The following KIRREL3 variants were observed in gnomAD, a reference collection of about 807,000 sequenced individuals.
KIRREL3 encodes the protein kin of IRRE-like protein 3.
KIRREL3 carries 36 observed loss-of-function variants against 89.7 expected under a neutral mutation model. That is an observed-to-expected ratio of 0.40 (90% CI 0.31 to 0.53). KIRREL3 has a LOEUF of 0.53. Among genes scored for constraint, KIRREL3 ranks in the 20% least tolerant of loss-of-function variants. The pLI, the probability that KIRREL3 is intolerant of heterozygous loss-of-function variation, is 0.49. For missense variants in KIRREL3, 864 were observed against 1,056.6 expected (o/e 0.82, Z 2.53); for synonymous variants, 445 against 441.4 (o/e 1.01, Z -0.10).
In KIRREL3 at chr11:126,544,753, C is replaced by G. The variant is rs1477172787; in HGVS notation, c.134-18066G>C. On this transcript the variant is annotated intron_variant, in intron 2 of 16. Coordinates refer to ENST00000525144, the MANE Select transcript of KIRREL3 (RefSeq NM_032531.4). This position sits in a 1 kb window ranked among gnomAD's most constrained non-coding sequence, Gnocchi z 5.6. Reference sequence around the variant, plus strand: ...TGGTTGGCAGCATCAAGATAATCGCCTAAGCCCTTTCTTCTCTTGCAAGTC... The same window carrying G: ...TGGTTGGCAGCATCAAGATAATCGCGTAAGCCCTTTCTTCTCTTGCAAGTC... Among the ~76,000 whole-genome samples the G allele has an allele frequency of 6.6e-6, 1 of 152,180 alleles. No homozygotes were observed. Among genetic ancestry groups the G allele is most frequent in the East Asian group, 1.9e-4 (1 of 5,194 alleles).
rs1949902850 is a variant in KIRREL3, at chr11:126,768,183, ATCC to A, written c.56-205274_56-205272del. 1.6e-5 allele frequency among the ~76,000 whole-genome samples: 2 copies of A among 122,802 alleles called. No individual in the cohort carries two copies. The highest frequency in any genetic ancestry group is 3.0e-5 in the African/African-American group (1 of 33,896). 80.6% of individuals were successfully genotyped at this position (122,802 alleles called of 152,430 possible). A position where few individuals can be genotyped will look rare whatever the true frequency, so the allele number is the denominator to read the frequency against. On this transcript the variant is annotated intron_variant, in intron 1 of 16. Transcript: ENST00000525144. The surrounding 1 kb of genome is among the most constrained non-coding windows in gnomAD (Gnocchi z 4.5). ...ATCCATCCATCCAATCCATCCATCC[ATCC>A]ATCCATCCATCCATCCATCCATCCA...
At position 126,985,526 on chromosome 11, in the gene KIRREL3, G is replaced by T. The variant is rs1342847065; in HGVS notation, c.55+14929C>A. On this transcript the variant is annotated intron_variant, in intron 1 of 16. Coordinates refer to ENST00000525144, the MANE Select transcript of KIRREL3 (RefSeq NM_032531.4). This position sits in a 1 kb window ranked among gnomAD's most constrained non-coding sequence, Gnocchi z 5.3. Reference sequence around the variant, plus strand: ...AGAGAGGTCAAGGAAACTTCCACCAGGAGGCAAAAGGAGCTGAGTCTTTAG... The same window carrying T: ...AGAGAGGTCAAGGAAACTTCCACCATGAGGCAAAAGGAGCTGAGTCTTTAG... Among the ~76,000 whole-genome samples, 2 of 152,140 alleles carry T rather than the reference G, an allele frequency of 1.3e-5. No individual in the cohort carries two copies. The highest frequency in any genetic ancestry group is 4.8e-5 in the African/African-American group (2 of 41,418).
rs2134588639 is a variant in KIRREL3 at position 126,563,058 on chromosome 11, T to A, written c.56-146A>T. On this transcript the variant is annotated intron_variant, in intron 1 of 16. Transcript: ENST00000525144. This position sits in a 1 kb window ranked among gnomAD's most constrained non-coding sequence, Gnocchi z 6.8. ...CAACATTTATATGGAAATTGTTATG[T>A]TCCAGGCATAAGTTTAAGCCAGCAA... 1.8e-6 allele frequency: 1 copy of A among 549,130 alleles called. No homozygotes were observed. Among genetic ancestry groups the A allele is most frequent in the Admixed American group, 3.3e-5 (1 of 30,340 alleles). 34.0% of individuals were successfully genotyped at this position (549,130 alleles called of 1,614,324 possible). A position where few individuals can be genotyped will look rare whatever the true frequency, so the allele number is the denominator to read the frequency against.
rs1947496917 is a variant in KIRREL3 at position 126,705,556 on chromosome 11, T to C, written c.56-142644A>G. ...GAAGATACTGGAACCGTGCTTCCTG[T>C]ACAGCCTGCAGAACTGTGAGCCAAT... On this transcript the variant is annotated intron_variant, in intron 1 of 16. Transcript: ENST00000525144. The surrounding 1 kb of genome is among the most constrained non-coding windows in gnomAD (Gnocchi z 4.3). Among the ~76,000 whole-genome samples, 1 of 152,234 alleles carries C rather than the reference T, an allele frequency of 6.6e-6. No individual in the cohort carries two copies. Among genetic ancestry groups the C allele is most frequent in the Non-Finnish European group, 1.5e-5 (1 of 68,044 alleles).
rs950482791 is a variant in KIRREL3, at chr11:126,763,314, C to T, written c.56-200402G>A. ...AGCCTCATGGCTGAGGTGCCACTTT[C>T]GATACATAAAACAAGAGTCCACATC... On this transcript the variant is annotated intron_variant, in intron 1 of 16. Coordinates refer to ENST00000525144, the MANE Select transcript of KIRREL3 (RefSeq NM_032531.4). The surrounding 1 kb of genome is among the most constrained non-coding windows in gnomAD (Gnocchi z 4.7). Among the ~76,000 whole-genome samples the T allele has an allele frequency of 2.0e-5, 3 of 152,178 alleles. No individual in the cohort carries two copies. Among genetic ancestry groups the T allele is most frequent in the South Asian group, 2.1e-4 (1 of 4,806 alleles).
intron 1 of KIRREL3, among the ~76,000 whole-genome samples, chr11:126,827,061 C>T (rs1003980086): frequency 2.0e-5 from 3 of 152,100 alleles, no homozygotes; most frequent in Admixed American, 1.3e-4. Context: ...TTAATTTTGT[C>T]TGTATTTTCC....
In KIRREL3 at chr11:126,771,071, G is replaced by A. The variant is rs1192584183; in HGVS notation, c.56-208159C>T. On this transcript the variant is annotated intron_variant, in intron 1 of 16. Coordinates refer to ENST00000525144, the MANE Select transcript of KIRREL3 (RefSeq NM_032531.4). This position sits in a 1 kb window ranked among gnomAD's most constrained non-coding sequence, Gnocchi z 4.4. ...GGCTGGGATTGAACTCCTGACCTCA[G>A]GGTGATCCGCTTGCCTTGGCATCCC... Among the ~76,000 whole-genome samples, 1 of 152,156 alleles carries A rather than the reference G, an allele frequency of 6.6e-6. No individual in the cohort carries two copies. The highest frequency in any genetic ancestry group is 2.4e-5 in the African/African-American group (1 of 41,430).
intron 1 of KIRREL3, among the ~76,000 whole-genome samples, chr11:126,693,818 C>G (rs1206565950): frequency 6.6e-6 from 1 of 152,252 alleles, no homozygotes; most frequent in East Asian, 1.9e-4. Flanking sequence ...CAATCAGGCT[C>G]TGGCCTGGGC....
intron 1 of KIRREL3, among the ~76,000 whole-genome samples, chr11:126,691,162 G>A (rs1022410175): frequency 6.6e-6 from 1 of 152,172 alleles, no homozygotes; most frequent in Non-Finnish European, 1.5e-5. Context: ...TGGAGGGAGT[G>A]TGGATCTGCA....
intron 1 of KIRREL3, among the ~76,000 whole-genome samples, chr11:126,626,366 C>CA (rs1943783748): frequency 1.3e-5 from 2 of 152,246 alleles, no homozygotes; most frequent in South Asian, 4.1e-4. Flanking sequence ...GCACACTTGA[C>CA]TTTGATCAAC....
chr11:126,781,698 C>G (rs1950331031), intron 1 of KIRREL3, among the ~76,000 whole-genome samples: 1 of 152,176 alleles, frequency 6.6e-6, no homozygotes, highest in South Asian at 2.1e-4. Flanking sequence ...CTTCTAAACT[C>G]CCTTCGGCCC....
chr11:126,424,552 G>C lies in KIRREL3; in HGVS notation c.*28C>G, dbSNP rs1282292206. On this transcript the variant is annotated 3_prime_UTR_variant, in exon 17 of 17. Transcript: ENST00000525144. ...AGAACGTGCCCTGACCTCTTCCCTG[G>C]CCCGTCCCCACCCGCGGTGTGTGAT... 2.5e-6 allele frequency: 4 copies of C among 1,607,960 alleles called. No individual in the cohort carries two copies. The highest frequency in any genetic ancestry group is 1.3e-5 in the African/African-American group (1 of 74,768).
chr11:126,850,996 G>C (rs1944321166), intron 1 of KIRREL3, among the ~76,000 whole-genome samples: 1 of 152,232 alleles, frequency 6.6e-6, no homozygotes, highest in Non-Finnish European at 1.5e-5. Flanking sequence ...AGCACTAGCT[G>C]TTGAAAGTTC....
intron 1 of KIRREL3, among the ~76,000 whole-genome samples, chr11:126,731,878 A>C (rs1200200283): frequency 7.2e-5 from 11 of 152,276 alleles, no homozygotes; most frequent in Non-Finnish European, 1.3e-4. Context: ...AGGAACAAAA[A>C]GGATTGTAAA....
rs112095997 is a variant in KIRREL3 at position 126,661,850 on chromosome 11, G to A, written c.56-98938C>T. 3.7e-3 allele frequency among the ~76,000 whole-genome samples: 556 copies of A among 152,248 alleles called. 10 individuals carry two copies. The highest frequency in any genetic ancestry group is 0.013 in the African/African-American group (533 of 41,526). ...CTTGCAAGCAGGGTTGAGACAGCCC[G>A]AGCTAAAGCCTCTTTAGTGGTATGA... is the stretch of plus-strand genomic sequence containing the variant. On this transcript the variant is annotated intron_variant, in intron 1 of 16. Coordinates refer to ENST00000525144, the MANE Select transcript of KIRREL3 (RefSeq NM_032531.4).
chr11:126,541,977 G>A lies in KIRREL3; in HGVS notation c.134-15290C>T, dbSNP rs150324321. 5.3e-5 allele frequency among the ~76,000 whole-genome samples: 8 copies of A among 152,304 alleles called. No homozygotes were observed. Among genetic ancestry groups the A allele is most frequent in the Non-Finnish European group, 7.3e-5 (5 of 68,038 alleles). On this transcript the variant is annotated intron_variant, in intron 2 of 16. Coordinates refer to ENST00000525144, the MANE Select transcript of KIRREL3 (RefSeq NM_032531.4). This position sits in a 1 kb window ranked among gnomAD's most constrained non-coding sequence, Gnocchi z 4.8. ...ACGGTGGAGGCAGAGCTGAGGCAGC[G>A]CGGGAAGGACCGAGTCCTGCCCTCG...
In KIRREL3 at chr11:126,564,067, G is replaced by C. The variant is rs988610706; in HGVS notation, c.56-1155C>G. On this transcript the variant is annotated intron_variant, in intron 1 of 16. Transcript: ENST00000525144. The surrounding 1 kb of genome is among the most constrained non-coding windows in gnomAD (Gnocchi z 7.4). ...TAAATAGATAAGGAATTTGATTTCT[G>C]GAAGAGGGAATATGACTGCAGCTCT... Among the ~76,000 whole-genome samples the C allele has an allele frequency of 1.3e-5, 2 of 152,244 alleles. No homozygotes were observed. The highest frequency in any genetic ancestry group is 1.3e-4 in the Admixed American group (2 of 15,286).
intron 1 of KIRREL3, among the ~76,000 whole-genome samples, chr11:126,927,381 C>G (rs1018499353): frequency 6.6e-6 from 1 of 152,112 alleles, no homozygotes; most frequent in Non-Finnish European, 1.5e-5. Context: ...TGTGTCTTAC[C>G]CAGTTATATA....
In KIRREL3 at chr11:126,427,982, G is replaced by A. The variant is rs953606371; in HGVS notation, c.1806+1197C>T. 7.2e-5 allele frequency among the ~76,000 whole-genome samples: 11 copies of A among 152,192 alleles called. No homozygotes were observed. The highest frequency in any genetic ancestry group is 1.9e-4 in the African/African-American group (8 of 41,438). On this transcript the variant is annotated intron_variant, in intron 15 of 16. Coordinates refer to ENST00000525144, the MANE Select transcript of KIRREL3 (RefSeq NM_032531.4). This position sits in a 1 kb window ranked among gnomAD's most constrained non-coding sequence, Gnocchi z 5.3. ...TCAATTGGAGAGAGAAAGCGTAGCC[G>A]AGGGAAAAGTCAGTTTGATTCAGTA...
Sources: gnomAD v4.1 joint callset for allele counts (sites outside exome capture counted in the v4.1 genomes callset) on GRCh38, gnomAD v4.1.1 for gene constraint, Gnocchi (gnomAD v3.1) non-coding constraint, MANE v1.5 for transcripts, NCBI Gene and HGNC (gene_info 2026-07-23, HGNC 2026-07-21) for gene names.